ATG7: variants seen among roughly 807,000 people sequenced by gnomAD.
ATG7 encodes ubiquitin-like modifier-activating enzyme ATG7.
In ATG7, 70 loss-of-function variants were observed where a neutral mutation model predicts 82.4. The ratio of observed to expected loss-of-function variants is 0.85; its 90% CI spans 0.70 to 1.04. The LOEUF (loss-of-function observed/expected upper bound fraction) is 1.04. Ranked by LOEUF, ATG7 falls within the 50% of genes least tolerant of loss-of-function variation. ATG7 has a pLI of 0.00. For synonymous variants in ATG7, 287 were observed against 313.0 expected (o/e 0.92, Z 0.88); for missense variants, 792 against 864.3 (o/e 0.92, Z 1.05).
intron 20 of ATG7, among the ~76,000 whole-genome samples, chr3:11,454,624 C>T (rs1287379027): frequency 6.6e-6 from 1 of 152,150 alleles, no homozygotes; most frequent in Non-Finnish European, 1.5e-5. Flanking sequence ...GCATATGAGG[C>T]CACATTTCCC....
rs143376208 is a variant in ATG7 at position 11,465,495 on chromosome 3, A to G, written c.2079+38569A>G. Among the ~76,000 whole-genome samples the G allele has an allele frequency of 2.9e-3, 446 of 151,676 alleles. 4 individuals carry two copies. Among genetic ancestry groups the G allele is most frequent in the African/African-American group, 0.01 (423 of 41,306 alleles). ...AGTCTGGGTGCACATCTGTAATCTC[A>G]ACACTTTGGGAGGCCGAAGTGGGAT... On this transcript the variant is annotated intron_variant, in intron 20 of 20. Coordinates refer to ENST00000693202, the MANE Select transcript of ATG7 (RefSeq NM_001349232.2).
intron 20 of ATG7, chr3:11,477,395 G>A (rs1348635711): frequency 4.8e-6 from 4 of 825,038 alleles, no homozygotes; most frequent in African/African-American, 1.8e-5. Context: ...TAAATGGATA[G>A]AAGTGTATTT....
chr3:11,273,508 C>T (rs1940986558), intron 1 of ATG7, among the ~76,000 whole-genome samples: 1 of 152,184 alleles, frequency 6.6e-6, no homozygotes, highest in Non-Finnish European at 1.5e-5. Flanking sequence ...CCTCTTCTCA[C>T]CTTTTCTTCT....
At chr3:11,569,595 A>G in the ATG7 span, among the ~76,000 whole-genome samples, 1 of 152,232 alleles carries the variant, frequency 6.6e-6, no homozygotes, top group Non-Finnish European at 1.5e-5. Flanking sequence ...AGGGCCAGTG[A>G]GTGGGCCGGG....
chr3:11,392,471 C>CAACA (rs1553640636), intron 19 of ATG7, among the ~76,000 whole-genome samples: 1 of 149,252 alleles, frequency 6.7e-6, no homozygotes, highest in Non-Finnish European at 1.5e-5. Flanking sequence ...AAAAAACAAA[C>CAACA]AAAAAAAACA....
intron 9 of ATG7, among the ~76,000 whole-genome samples, chr3:11,319,668 G>T (rs1349756836): frequency 6.6e-6 from 1 of 152,174 alleles, no homozygotes. Flanking sequence ...CCCAAGGCTG[G>T]TCCTTTTCTG....
At chr3:11,435,143 AC>A (rs1193653813) in intron 20 of ATG7, among the ~76,000 whole-genome samples, 4 of 152,234 alleles carry the variant, frequency 2.6e-5, no homozygotes, top group Non-Finnish European at 4.4e-5. Flanking sequence ...CAAAGTACTT[AC>A]TTTTTATACA....
chr3:11,346,067 T>C (rs914672718), intron 13 of ATG7, among the ~76,000 whole-genome samples: 12 of 152,218 alleles, frequency 7.9e-5, no homozygotes, highest in Admixed American at 1.3e-4. Flanking sequence ...GGCCTTTTTA[T>C]TTTTTGGGAC....
At chr3:11,407,201 C>G (rs1226538589) in intron 19 of ATG7, among the ~76,000 whole-genome samples, 1 of 152,210 alleles carries the variant, frequency 6.6e-6, no homozygotes, top group Admixed American at 6.5e-5. Flanking sequence ...AGGCTCCATA[C>G]AAGTCTGAAA....
chr3:11,429,046 A>G (rs2082616404), intron 20 of ATG7, among the ~76,000 whole-genome samples: 1 of 152,218 alleles, frequency 6.6e-6, no homozygotes, highest in South Asian at 2.1e-4. Context: ...ATTTTCCTCT[A>G]CTAAATTATA....
intron 5 of ATG7, among the ~76,000 whole-genome samples, chr3:11,299,848 G>T (rs769157378): frequency 6.6e-6 from 1 of 152,040 alleles, no homozygotes; most frequent in Non-Finnish European, 1.5e-5. Context: ...CTATATAAAG[G>T]AATATGATAG....
intron 20 of ATG7, among the ~76,000 whole-genome samples, chr3:11,541,807 A>G (rs2070859236): frequency 6.6e-6 from 1 of 152,242 alleles, no homozygotes; most frequent in Non-Finnish European, 1.5e-5. Flanking sequence ...AAACTTTTCA[A>G]AAACTTTTCT....
chr3:11,542,513 C>T (rs890684408), intron 20 of ATG7, among the ~76,000 whole-genome samples: 4 of 152,074 alleles, frequency 2.6e-5, no homozygotes, highest in South Asian at 2.1e-4. Context: ...CAAAAGACAC[C>T]GGCAGATGTA....
At chr3:11,294,299 C>G (rs1945491550) in intron 3 of ATG7, among the ~76,000 whole-genome samples, 1 of 151,822 alleles carries the variant, frequency 6.6e-6, no homozygotes, top group African/African-American at 2.4e-5. Context: ...AGTGCAACTG[C>G]AACCTCCGCC....
At chr3:11,466,787 T>C (rs1426426861) in intron 20 of ATG7, among the ~76,000 whole-genome samples, 1 of 152,220 alleles carries the variant, frequency 6.6e-6, no homozygotes. Flanking sequence ...CACTCATTTG[T>C]GTTCACAGAT....
At chr3:11,309,362 A>G (rs1045416932) in intron 7 of ATG7, among the ~76,000 whole-genome samples, 6 of 152,150 alleles carry the variant, frequency 3.9e-5, no homozygotes, top group Non-Finnish European at 8.8e-5. Flanking sequence ...TTTGTTAAAT[A>G]CCATCCTAAA....
At chr3:11,564,746 A>G in the ATG7 span, 2 of 1,501,774 alleles carry the variant, frequency 1.3e-6, no homozygotes, top group South Asian at 1.2e-5. Context: ...CATCCAGCCC[A>G]GTCCCCCAGC....
chr3:11,415,876 A>G (rs1245442377), intron 19 of ATG7, among the ~76,000 whole-genome samples: 1 of 152,144 alleles, frequency 6.6e-6, no homozygotes, highest in Non-Finnish European at 1.5e-5. Flanking sequence ...TATGTACTAT[A>G]TATAATTGTA....
chr3:11,515,793 G>A (rs1312687906), intron 20 of ATG7, among the ~76,000 whole-genome samples: 4 of 152,156 alleles, frequency 2.6e-5, no homozygotes, highest in African/African-American at 9.7e-5. Flanking sequence ...TGTAGGTACA[G>A]TTTAATGGGG....
Sources: gnomAD v4.1 joint callset for allele counts (sites outside exome capture counted in the v4.1 genomes callset) on GRCh38, gnomAD v4.1.1 for gene constraint, MANE v1.5 for transcripts, NCBI Gene and HGNC (gene_info 2026-07-23, HGNC 2026-07-21) for gene names.